Variants in ADAM19 observed in about 807,000 individuals in gnomAD.
ADAM19 encodes ADAM metallopeptidase domain 19.
A neutral mutation model predicts 114.7 loss-of-function variants in ADAM19; 65 were observed. That is an observed-to-expected ratio of 0.57 (90% CI 0.46 to 0.70). The LOEUF (loss-of-function observed/expected upper bound fraction) is 0.70. Ranked by LOEUF, ADAM19 falls within the 30% of genes least tolerant of loss-of-function variation. The pLI, the probability that ADAM19 is intolerant of heterozygous loss-of-function variation, is 0.00. For missense variants in ADAM19, 1,063 were observed against 1,204.7 expected (o/e 0.88, Z 1.74); for synonymous variants, 466 against 460.5 (o/e 1.01, Z -0.15).
chr5:157,513,003 C>T (rs1227161259), intron 8 of ADAM19, among the ~76,000 whole-genome samples: 5 of 152,146 alleles, frequency 3.3e-5, no homozygotes, highest in Non-Finnish European at 5.9e-5. Context: ...CCAAGCTGCT[C>T]GGGAGCCACT....
At position 157,513,466 on chromosome 5, in the gene ADAM19, T is replaced by C. The variant is rs748823495; in HGVS notation, c.706A>G (p.Lys236Glu). The change falls in exon 8 of 23, where the codon AAG becomes GAG. Residue 236 changes from lysine (K) to glutamate (E), a missense_variant. This residue lies in a region of ADAM19 where 615 missense variants were observed against 706.3 expected (regional missense o/e 0.87). Transcript: ENST00000257527. Reference protein sequence around the residue: ...NRRDQDATKHKLIEIANYVDK... With the variant: ...NRRDQDATKHELIEIANYVDK... The stretch of plus-strand genomic sequence containing the variant: ...ACATAGTTGGCGATCTCTATGAGCT[T>C]GTGTTTGGTGGCGTCCTGGTCTCGT... 2 of 1,614,056 alleles carry C rather than the reference T, an allele frequency of 1.2e-6. No individual in the cohort carries two copies. The highest frequency in any genetic ancestry group is 1.7e-6 in the Non-Finnish European group (2 of 1,179,952).
chr5:157,477,515 A>T lies in ADAM19; in HGVS notation c.*3434T>A. The T allele has an allele frequency of 8.8e-7, 1 of 1,131,914 alleles. No individual in the cohort carries two copies. Among genetic ancestry groups the T allele is most frequent in the Non-Finnish European group, 1.1e-6 (1 of 908,164 alleles). The allele number at this position is 1,131,914 out of a possible 1,614,324, so 70.1% of individuals were successfully genotyped here. A position where few individuals can be genotyped will look rare whatever the true frequency, so the allele number is the denominator to read the frequency against. Reference sequence around the variant, plus strand: ...GGATCCCAGACACATACAAACGCACAGTGGACGGTGTGAGAGGACGCGTTG... The same window carrying T: ...GGATCCCAGACACATACAAACGCACTGTGGACGGTGTGAGAGGACGCGTTG... On this transcript the variant is annotated 3_prime_UTR_variant, in exon 23 of 23. Transcript: ENST00000257527.
chr5:157,511,157 G>T (rs1581315200), intron 8 of ADAM19, among the ~76,000 whole-genome samples: 1 of 152,152 alleles, frequency 6.6e-6, no homozygotes, highest in Non-Finnish European at 1.5e-5. Context: ...CGGGTTCTTT[G>T]ATGGGTCCAC....
chr5:157,486,447 G>A (rs1464209418), intron 21 of ADAM19, among the ~76,000 whole-genome samples: 2 of 152,106 alleles, frequency 1.3e-5, no homozygotes, highest in Non-Finnish European at 2.9e-5. Context: ...GCCACTGGCT[G>A]GGCAGCTTCC....
chr5:157,486,458 T>G (rs1754935776), intron 21 of ADAM19, among the ~76,000 whole-genome samples: 1 of 152,102 alleles, frequency 6.6e-6, no homozygotes, highest in African/African-American at 2.4e-5. Flanking sequence ...GGCAGCTTCC[T>G]GCACCCGGGA....
chr5:157,574,789 C>A (rs1034630164), intron 1 of ADAM19, among the ~76,000 whole-genome samples: 2 of 152,150 alleles, frequency 1.3e-5, no homozygotes, highest in Non-Finnish European at 2.9e-5. Flanking sequence ...CTGAGAAACA[C>A]GGACATCACC....
At chr5:157,505,624 T>C in intron 11 of ADAM19, 45 bp downstream of exon 11, 1 of 1,605,098 alleles carries the variant, frequency 6.2e-7, no homozygotes, top group East Asian at 2.2e-5. Context: ...ACTGTCCAGG[T>C]GTGCCCGCCC....
rs199838986 is a variant in ADAM19 at position 157,489,115 on chromosome 5, T to A, written c.2312A>T (p.Gln771Leu). The A allele has an allele frequency of 5.0e-6, 8 of 1,614,108 alleles. No homozygotes were observed. ...CAAAGCTCTTACCTTTCGCTTGCCC[T>A]GGGGCGTCTGCAGCTTGAAAGTTGG... is the stretch of plus-strand genomic sequence containing the variant. ...ANPTFKLQTPQGKRKVINTPE... is the reference protein window; with the variant it reads ...ANPTFKLQTPLGKRKVINTPE... The change falls in exon 20 of 23, where the codon CAG becomes CTG. Residue 771 changes from glutamine to leucine, a missense_variant. Around this residue, in one of 3 missense-constraint regions of ADAM19, gnomAD observed 424 missense variants for 445.5 expected, o/e 0.95. Transcript: ENST00000257527.
intron 12 of ADAM19, among the ~76,000 whole-genome samples, chr5:157,500,437 T>C (rs987842195): frequency 2.0e-5 from 3 of 152,236 alleles, no homozygotes; most frequent in African/African-American, 7.2e-5. Flanking sequence ...TATTTCTCCC[T>C]GTAACCATGT....
At chr5:157,538,139 A>G (rs1016190746) in intron 3 of ADAM19, 148 bp from the exon 4 acceptor site, 2 of 505,984 alleles carry the variant, frequency 4.0e-6, no homozygotes, top group Non-Finnish European at 7.0e-6. Flanking sequence ...GCTAAGGAAC[A>G]AAAAGGAAAA....
intron 4 of ADAM19, among the ~76,000 whole-genome samples, chr5:157,532,336 C>T (rs1177601457): frequency 2.0e-5 from 3 of 152,220 alleles, no homozygotes; most frequent in African/African-American, 4.8e-5. Context: ...GATATAATTA[C>T]AAACCAAAAG....
intron 7 of ADAM19, 121 bp downstream of exon 7, chr5:157,518,702 C>A: frequency 2.1e-6 from 2 of 934,232 alleles, no homozygotes; most frequent in South Asian, 1.4e-5. Flanking sequence ...GATTTAAGGT[C>A]AAAATCATAG....
At chr5:157,499,833 G>C (rs1489143482) in intron 12 of ADAM19, among the ~76,000 whole-genome samples, 171 bp from the exon 13 acceptor site, 1 of 145,686 alleles carries the variant, frequency 6.9e-6, no homozygotes, top group Non-Finnish European at 1.5e-5. Context: ...CTGGAGTGCA[G>C]TGATGCAATA....
chr5:157,499,773 CTT>C (rs553103564), intron 12 of ADAM19, 111 bp from the exon 13 acceptor site: 13,430 of 411,876 alleles, frequency 0.033, no homozygotes, highest in East Asian at 0.057. Flanking sequence ...GCAACTATCT[CTT>C]TTTTTTTTTT....
At chr5:157,537,865 G>T in intron 4 of ADAM19, 48 bp downstream of exon 4, 1 of 1,533,178 alleles carries the variant, frequency 6.5e-7, no homozygotes, top group Non-Finnish European at 9.0e-7. Context: ...TAGGAGTAGG[G>T]CTGGGAGAGG....
In ADAM19 at chr5:157,480,177, T is replaced by C; in HGVS notation, c.*772A>G. The C allele has an allele frequency of 2.0e-6, 2 of 986,082 alleles. No homozygotes were observed. The highest frequency in any genetic ancestry group is 1.7e-5 in the African/African-American group (1 of 57,314). 61.1% of individuals were successfully genotyped at this position (986,082 alleles called of 1,614,324 possible). A position where few individuals can be genotyped will look rare whatever the true frequency, so the allele number is the denominator to read the frequency against. On this transcript the variant is annotated 3_prime_UTR_variant, in exon 23 of 23. Transcript: ENST00000257527. ...AGAAAAGCGTGGGGCACCAGGAAAG[T>C]GCGGCAGAGAAAACAAAGAGCAACT...
intron 8 of ADAM19, among the ~76,000 whole-genome samples, chr5:157,511,092 A>T (rs1022071947): frequency 2.0e-5 from 3 of 152,216 alleles, no homozygotes; most frequent in African/African-American, 7.2e-5. Flanking sequence ...TCATACAAAT[A>T]TAAGCAGGAG....
chr5:157,547,005 T>G (rs553054543), intron 3 of ADAM19, among the ~76,000 whole-genome samples: 2 of 152,236 alleles, frequency 1.3e-5, no homozygotes, highest in East Asian at 3.9e-4. Flanking sequence ...AGAGACCAAG[T>G]GCTTAGAATT....
chr5:157,497,805 A>G (rs1755414268), intron 13 of ADAM19, among the ~76,000 whole-genome samples: 1 of 152,208 alleles, frequency 6.6e-6, no homozygotes, highest in Non-Finnish European at 1.5e-5. Context: ...AAGGGCGAAG[A>G]GTCTTACAGC....
Sources: allele counts gnomAD v4.1 joint callset (sites outside exome capture counted in the v4.1 genomes callset), GRCh38; gene constraint gnomAD v4.1.1; regional missense constraint gnomAD v4.1.1; transcripts MANE v1.5; gene names NCBI Gene and HGNC (gene_info 2026-07-23, HGNC 2026-07-21).